Variants in TRHDE observed in about 807,000 individuals in gnomAD.
The protein encoded by TRHDE is thyrotropin-releasing hormone-degrading ectoenzyme.
In TRHDE, 72 loss-of-function variants were observed where a neutral mutation model predicts 125.7. The observed-to-expected ratio is 0.57, with a 90% CI of 0.47 to 0.70. The LOEUF (loss-of-function observed/expected upper bound fraction) is 0.70, where lower values mean the gene tolerates loss of function less well. Among genes scored for constraint, TRHDE ranks in the 30% least tolerant of loss-of-function variants. The probability of loss-of-function intolerance (pLI) is 0.00; values close to 1 mark genes in which losing one functional copy is unlikely to be tolerated. For synonymous variants in TRHDE, 509 were observed against 509.1 expected (o/e 1.00, Z 0.00); for missense variants, 1,110 against 1,327.1 (o/e 0.84, Z 2.54).
chr12:72,275,331 T>G (rs1412737256), intron 1 of TRHDE, among the ~76,000 whole-genome samples: 1 of 152,236 alleles, frequency 6.6e-6, no homozygotes, highest in Admixed American at 6.5e-5. Context: ...ATAAATAAAA[T>G]GCCCAATGCT....
intron 18 of TRHDE, among the ~76,000 whole-genome samples, chr12:72,660,774 T>C (rs1874886864): frequency 6.6e-6 from 1 of 152,214 alleles, no homozygotes; most frequent in African/African-American, 2.4e-5. Context: ...CTTCAGTCTC[T>C]TGCCTCGGCA....
At position 72,574,500 on chromosome 12, in the gene TRHDE, A is replaced by G. The variant is rs567479869; in HGVS notation, c.2132-755A>G. Among the ~76,000 whole-genome samples, 8 of 152,246 alleles carry G rather than the reference A, an allele frequency of 5.3e-5. No individual in the cohort carries two copies. The South Asian group carries it at 1.0e-3, about 20-fold the overall frequency. On this transcript the variant is annotated intron_variant, in intron 10 of 18. Transcript: ENST00000261180. ...TGTGAACTGTGTTTCCATGGAGTCA[A>G]TAAAGGCTACATGTGCAGTGAATAG...
chr12:72,553,726 C>T lies in TRHDE; in HGVS notation c.1789-8439C>T, dbSNP rs71458103. Among the ~76,000 whole-genome samples, 331 of 152,038 alleles carry T rather than the reference C, an allele frequency of 2.2e-3. 2 individuals are homozygous for T. The highest frequency in any genetic ancestry group is 7.4e-3 in the African/African-American group (309 of 41,502). ...TAATTTTTCTTTTCTTTTTCTACCGCTCCACCACACCCCCCACCCCACCCA... is the reference window on the plus strand; with the variant it reads ...TAATTTTTCTTTTCTTTTTCTACCGTTCCACCACACCCCCCACCCCACCCA... On this transcript the variant is annotated intron_variant, in intron 7 of 18. Transcript: ENST00000261180.
At chr12:72,530,437 T>TTTC in intron 6 of TRHDE, among the ~76,000 whole-genome samples, 1 of 149,562 alleles carries the variant, frequency 6.7e-6, no homozygotes, top group East Asian at 1.9e-4. Flanking sequence ...TTTTTTTTTT[T>TTTC]TTAACTTTAA....
chr12:72,241,519 C>G (rs1163894239), intron 2 of TRHDE, among the ~76,000 whole-genome samples: 1 of 152,118 alleles, frequency 6.6e-6, no homozygotes, highest in Non-Finnish European at 1.5e-5. Context: ...ATATGTACCA[C>G]AGTTTGTTTA....
chr12:72,480,593 A>AT (rs1877122942), intron 5 of TRHDE, among the ~76,000 whole-genome samples: 1 of 152,152 alleles, frequency 6.6e-6, no homozygotes, highest in Non-Finnish European at 1.5e-5. Context: ...GTCCTTTTAC[A>AT]TTTTTGTAGG....
chr12:72,617,682 T>C (rs531665096), intron 12 of TRHDE, among the ~76,000 whole-genome samples: 2 of 152,304 alleles, frequency 1.3e-5, no homozygotes, highest in South Asian at 2.1e-4. Flanking sequence ...CTGGGTAATT[T>C]GGGAACAATA....
intron 2 of TRHDE, among the ~76,000 whole-genome samples, chr12:72,363,659 A>G (rs1009965538): frequency 6.6e-6 from 1 of 152,126 alleles, no homozygotes; most frequent in African/African-American, 2.4e-5. Context: ...CCCACAGCCA[A>G]TATCGTACTG....
intron 2 of TRHDE, among the ~76,000 whole-genome samples, chr12:72,192,288 C>T (rs186020518): frequency 2.6e-5 from 4 of 152,108 alleles, no homozygotes; most frequent in African/African-American, 7.2e-5. Context: ...CAAGTGATAT[C>T]GATGCTTCTG....
At chr12:72,468,584 G>T (rs1427664305) in intron 3 of TRHDE, among the ~76,000 whole-genome samples, 1 of 152,228 alleles carries the variant, frequency 6.6e-6, no homozygotes, top group Non-Finnish European at 1.5e-5. Context: ...GAACCAGGCT[G>T]CTGGGTTCAA....
intron 6 of TRHDE, among the ~76,000 whole-genome samples, chr12:72,516,158 T>A (rs921788106): frequency 4.6e-5 from 7 of 151,318 alleles, no homozygotes; most frequent in African/African-American, 1.7e-4. Context: ...AACTTTAAAG[T>A]AGTTTTTTCC....
chr12:72,508,756 G>T (rs949597748), intron 6 of TRHDE, among the ~76,000 whole-genome samples: 1 of 152,088 alleles, frequency 6.6e-6, no homozygotes, highest in African/African-American at 2.4e-5. Flanking sequence ...ATTTTAAATT[G>T]CAATCCCCAG....
intron 15 of TRHDE, among the ~76,000 whole-genome samples, chr12:72,643,190 A>G (rs1000617039): frequency 4.6e-5 from 7 of 152,100 alleles, no homozygotes; most frequent in African/African-American, 1.7e-4. Context: ...AGTCATTTAA[A>G]CCTATGCAAT....
intron 5 of TRHDE, among the ~76,000 whole-genome samples, chr12:72,499,141 T>G (rs992996414): frequency 2.6e-5 from 4 of 152,160 alleles, no homozygotes; most frequent in African/African-American, 9.7e-5. Context: ...GGGACTGGAA[T>G]TATAATGTTT....
intron 2 of TRHDE, among the ~76,000 whole-genome samples, chr12:72,178,791 T>C (rs1020455082): frequency 6.6e-6 from 1 of 152,142 alleles, no homozygotes; most frequent in African/African-American, 2.4e-5. Flanking sequence ...TGGCTAGCAC[T>C]GTTAAATTGA....
chr12:72,252,123 CA>C (rs59108872), intron 2 of TRHDE, among the ~76,000 whole-genome samples: 28,166 of 151,880 alleles, frequency 0.19, 3,135 homozygotes, highest in East Asian at 0.49. Flanking sequence ...GCACATTTTC[CA>C]TAAGTTTTTA....
intron 3 of TRHDE, among the ~76,000 whole-genome samples, chr12:72,403,631 G>C (rs1371858548): frequency 1.3e-5 from 2 of 152,148 alleles, no homozygotes; most frequent in African/African-American, 4.8e-5. Flanking sequence ...TCCAAAACGA[G>C]AGCCAGGACT....
chr12:72,300,912 G>T (rs1868252575), intron 2 of TRHDE, among the ~76,000 whole-genome samples: 1 of 151,984 alleles, frequency 6.6e-6, no homozygotes, highest in Admixed American at 6.6e-5. Flanking sequence ...CTGAGTAGAT[G>T]GTGCATTAGC....
intron 6 of TRHDE, among the ~76,000 whole-genome samples, chr12:72,521,773 C>A (rs1175648354): frequency 1.3e-5 from 2 of 152,166 alleles, no homozygotes; most frequent in Non-Finnish European, 2.9e-5. Context: ...CATAATTTTC[C>A]TTCTGGAAGG....
Sources: allele counts gnomAD v4.1 joint callset (sites outside exome capture counted in the v4.1 genomes callset), GRCh38; gene constraint gnomAD v4.1.1; transcripts MANE v1.5; gene names NCBI Gene and HGNC (gene_info 2026-07-23, HGNC 2026-07-21).